Variants in MIPOL1 observed in about 807,000 individuals in gnomAD.
MIPOL1 encodes the protein mirror-image polydactyly 1.
Under a neutral mutation model 60.9 loss-of-function variants are expected in MIPOL1, and 57 were observed. The ratio of observed to expected loss-of-function variants is 0.94; its 90% confidence interval spans 0.76 to 1.17. MIPOL1 has a LOEUF of 1.17. Among genes scored for constraint, MIPOL1 ranks in the 50% most tolerant of loss-of-function variants. The pLI, the probability that MIPOL1 is intolerant of heterozygous loss-of-function variation, is 0.00. For missense variants in MIPOL1, 551 were observed against 511.6 expected, an observed-to-expected ratio of 1.08 and a Z score of -0.74; for synonymous variants, 179 against 168.8, an observed-to-expected ratio of 1.06 and a Z score of -0.47.
chr14:37,234,501 A>C (rs1174399926), intron 1 of MIPOL1, among the ~76,000 whole-genome samples: 1 of 151,324 alleles, frequency 6.6e-6, no homozygotes. Context: ...TTAATTTTTA[A>C]TTTTTAAATT....
intron 1 of MIPOL1, among the ~76,000 whole-genome samples, chr14:37,209,388 G>A (rs928397689): frequency 2.6e-5 from 4 of 152,102 alleles, no homozygotes; most frequent in African/African-American, 9.7e-5. Context: ...GCTGGGCATG[G>A]TGGCTCACCC....
At chr14:37,215,177 G>C (rs1967412068) in intron 1 of MIPOL1, among the ~76,000 whole-genome samples, 1 of 152,052 alleles carries the variant, frequency 6.6e-6, no homozygotes, top group Admixed American at 6.6e-5. Context: ...ACAGGGAAGG[G>C]CCCCCTGTCC....
At chr14:37,479,359 G>T (rs1245460144) in intron 11 of MIPOL1, among the ~76,000 whole-genome samples, 1 of 151,970 alleles carries the variant, frequency 6.6e-6, no homozygotes, top group African/African-American at 2.4e-5. Context: ...TTTTGACCAC[G>T]TTAGTATGAA....
intron 10 of MIPOL1, among the ~76,000 whole-genome samples, chr14:37,399,262 G>A (rs868233838): frequency 2.0e-5 from 3 of 152,218 alleles, no homozygotes; most frequent in South Asian, 4.1e-4. Context: ...GCTAGTATTG[G>A]TGCCATTTTG....
intron 1 of MIPOL1, among the ~76,000 whole-genome samples, chr14:37,208,390 A>G (rs1966440990): frequency 1.3e-5 from 2 of 152,156 alleles, no homozygotes; most frequent in African/African-American, 4.8e-5. Flanking sequence ...AGTTTTGGAA[A>G]GCAGAAAAAA....
intron 12 of MIPOL1, among the ~76,000 whole-genome samples, chr14:37,536,066 G>A (rs1256891328): frequency 1.3e-5 from 2 of 151,990 alleles, no homozygotes; most frequent in Non-Finnish European, 2.9e-5. Flanking sequence ...CACCATACCT[G>A]GCTGATAAGT....
intron 12 of MIPOL1, among the ~76,000 whole-genome samples, chr14:37,542,294 C>A (rs913742344): frequency 2.0e-5 from 3 of 152,016 alleles, no homozygotes; most frequent in African/African-American, 7.2e-5. Context: ...TTTAGAATTT[C>A]TTTTCTTTAT....
In MIPOL1 at chr14:37,549,011, A is replaced by T. The variant is rs2095555119; in HGVS notation, c.*2040A>T. ...AAATGAATTGTCTACAAAATTTCAAATGCAAAGTATTACAGCCAAATATTA... is the reference window on the plus strand; with the variant it reads ...AAATGAATTGTCTACAAAATTTCAATTGCAAAGTATTACAGCCAAATATTA... On this transcript the variant is annotated 3_prime_UTR_variant, in exon 13 of 13. Coordinates refer to ENST00000684589, the MANE Select transcript of MIPOL1 (RefSeq NM_001388067.1). 1 of 152,032 alleles carries T rather than the reference A, an allele frequency of 6.6e-6. No individual in the cohort carries two copies. Among genetic ancestry groups the T allele is most frequent in the Non-Finnish European group, 1.5e-5 (1 of 67,864 alleles). 9.4% of individuals were successfully genotyped at this position (152,032 alleles called of 1,614,324 possible).
At chr14:37,511,682 A>T (rs7146376) in intron 12 of MIPOL1, among the ~76,000 whole-genome samples, 11,576 of 152,224 alleles carry the variant, frequency 0.076, 676 homozygotes, top group East Asian at 0.32. Flanking sequence ...ATTTTGCTAT[A>T]CTTAGCATAC....
rs532171527 is a variant in MIPOL1, at chr14:37,381,763, T to A, written c.936+12139T>A. Among the ~76,000 whole-genome samples the A allele has an allele frequency of 1.6e-4, 24 of 151,520 alleles. No individual in the cohort carries two copies. The South Asian group carries it at 4.2e-3, about 26-fold the overall frequency. ...GTGCCCTGCTAATTTTTTTTTTTTT[T>A]ATTTTTAGTAGAGATGAGATCTCAC... On this transcript the variant is annotated intron_variant, in intron 10 of 12. Coordinates refer to ENST00000684589, the MANE Select transcript of MIPOL1 (RefSeq NM_001388067.1).
chr14:37,375,721 C>T (rs1357059625), intron 10 of MIPOL1, among the ~76,000 whole-genome samples: 2 of 151,940 alleles, frequency 1.3e-5, no homozygotes, highest in Non-Finnish European at 2.9e-5. Context: ...TCTTTCCTTT[C>T]TTCCTGTTCT....
intron 10 of MIPOL1, among the ~76,000 whole-genome samples, chr14:37,404,422 A>AT (rs925362173): frequency 1.3e-5 from 2 of 152,180 alleles, no homozygotes; most frequent in African/African-American, 4.8e-5. Flanking sequence ...GAAAGAACAG[A>AT]TTTTAGTTAT....
intron 11 of MIPOL1, among the ~76,000 whole-genome samples, chr14:37,474,060 T>C (rs1333846396): frequency 6.6e-6 from 1 of 152,176 alleles, no homozygotes; most frequent in Non-Finnish European, 1.5e-5. Context: ...CTAAGCAATA[T>C]GCATTTTAAG....
Position 37,446,845 on chromosome 14 carries a change from G to A in MIPOL1, c.1031+23896G>A, listed in dbSNP as rs1483545964. Among the ~76,000 whole-genome samples, 6 of 151,304 alleles carry A rather than the reference G, an allele frequency of 4.0e-5. No homozygotes were observed. In the East Asian group the frequency reaches 5.9e-4, roughly 15 times the overall value. ...AAGGACAAAAAACCAAACACCGCAT[G>A]TTCTCACTCATAGGTGGGAATTGAA... is the stretch of plus-strand genomic sequence containing the variant. On this transcript the variant is annotated intron_variant, in intron 11 of 12. Coordinates refer to ENST00000684589, the MANE Select transcript of MIPOL1 (RefSeq NM_001388067.1).
intron 12 of MIPOL1, among the ~76,000 whole-genome samples, chr14:37,524,710 G>A (rs1380306354): frequency 1.3e-5 from 2 of 151,394 alleles, no homozygotes; most frequent in Admixed American, 6.6e-5. Context: ...GGGATTACAG[G>A]CACCAACCAC....
At chr14:37,468,849 T>C (rs1403974897) in intron 11 of MIPOL1, among the ~76,000 whole-genome samples, 1 of 152,122 alleles carries the variant, frequency 6.6e-6, no homozygotes, top group Non-Finnish European at 1.5e-5. Context: ...AGGAGCTAGT[T>C]AAGTAAAGGG....
chr14:37,502,737 A>G (rs950396167), intron 12 of MIPOL1: 1 of 152,196 alleles, frequency 6.6e-6, no homozygotes, highest in Non-Finnish European at 1.5e-5. Flanking sequence ...ACAGCTCCTC[A>G]CCAGCAATGG....
chr14:37,341,682 T>G (rs1393921415), intron 9 of MIPOL1, among the ~76,000 whole-genome samples: 1 of 152,230 alleles, frequency 6.6e-6, no homozygotes, highest in Non-Finnish European at 1.5e-5. Flanking sequence ...TGGCCTCACG[T>G]GATCCCTCCT....
In MIPOL1 at chr14:37,314,704, G is replaced by T. The variant is rs528215125; in HGVS notation, c.828+6185G>T. Among the ~76,000 whole-genome samples the T allele has an allele frequency of 2.6e-5, 4 of 152,220 alleles. No individual in the cohort carries two copies. In the East Asian group the frequency reaches 7.7e-4, roughly 29 times the overall value. On this transcript the variant is annotated intron_variant, in intron 9 of 12. Coordinates refer to ENST00000684589, the MANE Select transcript of MIPOL1 (RefSeq NM_001388067.1). The stretch of plus-strand genomic sequence containing the variant: ...ACAGGCCTTATCACACTGTATTACA[G>T]TTAATTGATTTTATGCCTGGCTTTC...
Sources: gnomAD v4.1 joint callset for allele counts (sites outside exome capture counted in the v4.1 genomes callset) on GRCh38, gnomAD v4.1.1 for gene constraint, MANE v1.5 for transcripts, NCBI Gene and HGNC (gene_info 2026-07-23, HGNC 2026-07-21) for gene names.